The following MTCL2 variants were observed in gnomAD, a reference collection of about 807,000 sequenced individuals.
MTCL2 encodes microtubule cross-linking factor 2.
the MTCL2 span, chr20:36,863,002 TG>T: frequency 1.9e-5 from 26 of 1,402,556 alleles, no homozygotes; most frequent in Admixed American, 7.8e-5. The surrounding 1 kb of genome is among the most constrained non-coding windows in gnomAD (Gnocchi z 6.2). Context: ...TCCGTGAGGC[TG>T]GGGGGCGGCG....
chr20:36,793,648 G>A, the MTCL2 span: 1 of 1,551,058 alleles, frequency 6.4e-7, no homozygotes, highest in Non-Finnish European at 8.7e-7. The surrounding 1 kb of genome is among the most constrained non-coding windows in gnomAD (Gnocchi z 6.8). Flanking sequence ...TGTCCCGCGT[G>A]GTGGTGGAGC....
At chr20:36,859,533 C>T in the MTCL2 span, 8 of 1,156,606 alleles carry the variant, frequency 6.9e-6, no homozygotes, top group Non-Finnish European at 8.7e-6. Context: ...AAGGTCATCC[C>T]GCCTCTCTCT....
chr20:36,787,615 C>T, the MTCL2 span, among the ~76,000 whole-genome samples: 3 of 151,818 alleles, frequency 2.0e-5, no homozygotes, highest in Admixed American at 1.3e-4. Flanking sequence ...CTGCCAGGCA[C>T]GGTGGCTCAT....
chr20:36,791,600 G>C, the MTCL2 span, among the ~76,000 whole-genome samples: 1 of 152,162 alleles, frequency 6.6e-6, no homozygotes, highest in Non-Finnish European at 1.5e-5. Context: ...TGGACCAAGG[G>C]GTACACTCGC....
chr20:36,803,176 C>T, the MTCL2 span: 5 of 1,510,474 alleles, frequency 3.3e-6, no homozygotes, highest in Non-Finnish European at 4.4e-6. Flanking sequence ...TCTCTCCTTC[C>T]CTCCTGGGTG....
chr20:36,783,818 C>G, the MTCL2 span: 3 of 985,250 alleles, frequency 3.0e-6, no homozygotes, highest in Non-Finnish European at 3.6e-6. Context: ...CCAATCCCCC[C>G]ACCCCAAAAA....
chr20:36,806,048 G>T, the MTCL2 span: 1 of 1,059,476 alleles, frequency 9.4e-7, no homozygotes, highest in Non-Finnish European at 1.4e-6. Context: ...GAGGAGCACG[G>T]CTGGATAGTC....
the MTCL2 span, among the ~76,000 whole-genome samples, chr20:36,788,175 T>C: frequency 8.1e-6 from 1 of 122,748 alleles, no homozygotes; most frequent in Non-Finnish European, 1.6e-5. Flanking sequence ...CACTCCAGCC[T>C]GGGGGACAGA....
At chr20:36,806,635 T>A in the MTCL2 span, among the ~76,000 whole-genome samples, 20 of 152,152 alleles carry the variant, frequency 1.3e-4, no homozygotes, top group African/African-American at 4.1e-4. Flanking sequence ...TTCTCTTGCT[T>A]CAGGCTCCTG....
chr20:36,844,406 T>TA, the MTCL2 span, among the ~76,000 whole-genome samples: 1 of 149,246 alleles, frequency 6.7e-6, no homozygotes, highest in Non-Finnish European at 1.5e-5. Flanking sequence ...AAAAAAATAA[T>TA]AATAATAATA....
chr20:36,808,793 C>A, the MTCL2 span: 76,489 of 1,499,076 alleles, frequency 0.051, 2,250 homozygotes, highest in Middle Eastern at 0.091. Flanking sequence ...TCCTCTCCCC[C>A]ACCCCTTTCT....
chr20:36,863,449 G>A, the MTCL2 span: 2 of 855,002 alleles, frequency 2.3e-6, no homozygotes, highest in East Asian at 5.8e-5. The surrounding 1 kb of genome is among the most constrained non-coding windows in gnomAD (Gnocchi z 6.2). Context: ...TGGGGCTGCG[G>A]CTGCTCTCGG....
chr20:36,858,760 G>C, the MTCL2 span, among the ~76,000 whole-genome samples: 1 of 152,032 alleles, frequency 6.6e-6, no homozygotes, highest in South Asian at 2.1e-4. Context: ...GATGACCATC[G>C]TATGAGGTTG....
chr20:36,861,518 C>A, the MTCL2 span, among the ~76,000 whole-genome samples: 67,038 of 152,024 alleles, frequency 0.44, 15,724 homozygotes, highest in Middle Eastern at 0.65. Flanking sequence ...GAGGGAGAAG[C>A]CCATTTGGTC....
At chr20:36,808,596 G>A in the MTCL2 span, 1 of 1,611,680 alleles carries the variant, frequency 6.2e-7, no homozygotes. Context: ...ATGAAGAGCA[G>A]CAGGAAGTTG....
chr20:36,828,516 A>T, the MTCL2 span: 1 of 153,388 alleles, frequency 6.5e-6, no homozygotes, highest in Non-Finnish European at 1.5e-5. Flanking sequence ...AATGTGTCTC[A>T]GGGTCACATT....
At chr20:36,790,753 T>A in the MTCL2 span, among the ~76,000 whole-genome samples, 1 of 150,490 alleles carries the variant, frequency 6.6e-6, no homozygotes, top group African/African-American at 2.4e-5. Context: ...TTTTTTTTTT[T>A]AATGTAGAGA....
chr20:36,782,223 T>C, the MTCL2 span: 1 of 152,164 alleles, frequency 6.6e-6, no homozygotes, highest in Non-Finnish European at 1.5e-5. Context: ...TTCTGCTGAA[T>C]GGGGACCTCA....
At chr20:36,840,199 C>G in the MTCL2 span, among the ~76,000 whole-genome samples, 1 of 147,042 alleles carries the variant, frequency 6.8e-6, no homozygotes, top group African/African-American at 2.5e-5. Flanking sequence ...GAGTCTCGCT[C>G]TGTCGCCCAG....
Sources: allele counts gnomAD v4.1 joint callset (sites outside exome capture counted in the v4.1 genomes callset), GRCh38; gene constraint gnomAD v4.1.1; non-coding constraint Gnocchi (gnomAD v3.1); transcripts MANE v1.5; gene names NCBI Gene and HGNC (gene_info 2026-07-23, HGNC 2026-07-21).